SLC1A4: variants seen among roughly 807,000 people sequenced by gnomAD.
SLC1A4 encodes the protein solute carrier family 1 member 4.
In SLC1A4, 19 loss-of-function variants were observed where a neutral mutation model predicts 37.7. That is an observed-to-expected ratio of 0.50 (90% CI 0.35 to 0.74). The LOEUF (loss-of-function observed/expected upper bound fraction) is 0.74, where lower values mean the gene tolerates loss of function less well. SLC1A4 is among the 30% of genes least tolerant of loss of function. SLC1A4 has a pLI of 0.01. For missense variants in SLC1A4, 570 were observed against 712.9 expected, an observed-to-expected ratio of 0.80 and a Z score of 2.28; for synonymous variants, 299 against 309.8, an observed-to-expected ratio of 0.97 and a Z score of 0.37.
At chr2:64,999,153 C>G (rs1558516129) in intron 1 of SLC1A4, among the ~76,000 whole-genome samples, 1 of 152,192 alleles carries the variant, frequency 6.6e-6, no homozygotes, top group Non-Finnish European at 1.5e-5. Flanking sequence ...ACTCCGAAAA[C>G]TAGCCAATAT....
At chr2:65,013,734 T>C (rs1674015175) in intron 4 of SLC1A4, among the ~76,000 whole-genome samples, 1 of 152,222 alleles carries the variant, frequency 6.6e-6, no homozygotes, top group South Asian at 2.1e-4. Flanking sequence ...TGGGAGGCAT[T>C]GTCAGTATTA....
Position 64,989,542 on chromosome 2 carries a change from C to A in SLC1A4, c.-102C>A. The A allele has an allele frequency of 8.7e-7, 1 of 1,149,116 alleles. No homozygotes were observed. Among genetic ancestry groups the A allele is most frequent in the Non-Finnish European group, 1.1e-6 (1 of 881,388 alleles). 71.2% of individuals were successfully genotyped at this position (1,149,116 alleles called of 1,614,324 possible). A position where few individuals can be genotyped will look rare whatever the true frequency, so the allele number is the denominator to read the frequency against. ...GACCCCCGGGGCGGCTTCCCAGAACCTGCGGAGCACAACTGGCCGACCGAC... is the reference window on the plus strand; with the variant it reads ...GACCCCCGGGGCGGCTTCCCAGAACATGCGGAGCACAACTGGCCGACCGAC... On this transcript the variant is annotated 5_prime_UTR_variant, in exon 1 of 8. The change creates a new upstream start codon in the 5' untranslated region. Transcript: ENST00000234256.
chr2:65,014,704 A>C (rs1674057347), intron 4 of SLC1A4, among the ~76,000 whole-genome samples: 1 of 152,270 alleles, frequency 6.6e-6, no homozygotes, highest in Non-Finnish European at 1.5e-5. Context: ...GTATCTACTG[A>C]AATTTAAAAT....
intron 1 of SLC1A4, among the ~76,000 whole-genome samples, chr2:64,997,192 C>T (rs1230529337): frequency 6.6e-6 from 1 of 152,024 alleles, no homozygotes; most frequent in Non-Finnish European, 1.5e-5. Context: ...AGAGCCCTTC[C>T]CAGAGATTGT....
At chr2:65,003,172 C>A (rs1173492546) in intron 2 of SLC1A4, among the ~76,000 whole-genome samples, 1 of 152,120 alleles carries the variant, frequency 6.6e-6, no homozygotes, top group Non-Finnish European at 1.5e-5. Context: ...AAACCAGAGC[C>A]CAGCAAGGGC....
intron 4 of SLC1A4, among the ~76,000 whole-genome samples, chr2:65,015,387 AT>A (rs1674081608): frequency 2.0e-5 from 3 of 152,224 alleles, no homozygotes; most frequent in African/African-American, 7.2e-5. Context: ...ATATGAAAAG[AT>A]TTCAAAGATG....
Position 65,017,584 on chromosome 2 carries a change from C to T in SLC1A4, c.1035-487C>T, listed in dbSNP as rs553520986. ...TGCACCAACTAACCTCTGCAGAGCCCGCAGAGCCAGCTAGAGGGAGCAGGT... is the reference window on the plus strand; with the variant it reads ...TGCACCAACTAACCTCTGCAGAGCCTGCAGAGCCAGCTAGAGGGAGCAGGT... On this transcript the variant is annotated intron_variant, in intron 5 of 7. Transcript: ENST00000234256. Among the ~76,000 whole-genome samples the T allele has an allele frequency of 2.5e-4, 38 of 152,130 alleles. 1 individual carries two copies. The highest frequency in any genetic ancestry group is 3.4e-3 in the Middle Eastern group (1 of 292).
rs1193128755 is a variant in SLC1A4, at chr2:64,991,894, C to T, written c.527+1724C>T. 2.6e-5 allele frequency among the ~76,000 whole-genome samples: 4 copies of T among 152,182 alleles called. No homozygotes were observed. In the East Asian group the frequency reaches 5.8e-4, roughly 22 times the overall value. On this transcript the variant is annotated intron_variant, in intron 1 of 7. Coordinates refer to ENST00000234256, the MANE Select transcript of SLC1A4 (RefSeq NM_003038.5). The stretch of plus-strand genomic sequence containing the variant: ...GGGATTACAGGTGTGAGCCACCCTG[C>T]CTGGCCCCAGCTAACTGTTTTAAAT...
Position 65,020,997 on chromosome 2 carries a change from A to G in SLC1A4, c.1450A>G (p.Lys484Glu), listed in dbSNP as rs80013206. 1,124 of 1,614,234 alleles carry G rather than the reference A, an allele frequency of 7.0e-4. 8 individuals carry two copies. In the African/African-American group the frequency reaches 0.014, roughly 19 times the overall value. ...LHHLNQKATK[K>E]GEQELAEVKV... ...CCACCTGAATCAGAAGGCAACAAAG[A>G]AAGGCGAGCAGGAACTTGCTGAGGT... is the stretch of plus-strand genomic sequence containing the variant. The change falls in exon 8 of 8, where the codon AAA (lysine) becomes GAA (glutamate). Residue 484 changes from lysine to glutamate, a missense_variant. Coordinates refer to ENST00000234256, the MANE Select transcript of SLC1A4 (RefSeq NM_003038.5).
In SLC1A4 at chr2:64,989,426, G is replaced by A; in HGVS notation, c.-218G>A. On this transcript the variant is annotated 5_prime_UTR_variant, in exon 1 of 8. Transcript: ENST00000234256. ...CTCCAGCCGGCGGCTGCTCCAGGGA[G>A]GCTGGGCGCGATCCTCTCCGCCCGC... is the stretch of plus-strand genomic sequence containing the variant. 2.5e-6 allele frequency: 1 copy of A among 401,598 alleles called. No homozygotes were observed. Among genetic ancestry groups the A allele is most frequent in the Non-Finnish European group, 4.3e-6 (1 of 230,352 alleles). The allele number at this position is 401,598 out of a possible 1,614,324, so 24.9% of individuals were successfully genotyped here. A position where few individuals can be genotyped will look rare whatever the true frequency, so the allele number is the denominator to read the frequency against.
At chr2:65,012,851 C>A (rs1292007447) in intron 4 of SLC1A4, among the ~76,000 whole-genome samples, 1 of 151,746 alleles carries the variant, frequency 6.6e-6, no homozygotes, top group African/African-American at 2.4e-5. Flanking sequence ...CCAGCCTGGG[C>A]AAAAAAGTGA....
In SLC1A4 at chr2:65,018,330, C is replaced by A; in HGVS notation, c.1229+65C>A. 1.3e-6 allele frequency: 2 copies of A among 1,524,766 alleles called. No homozygotes were observed. The highest frequency in any genetic ancestry group is 2.3e-5 in the South Asian group (2 of 85,332). 94.5% of individuals were successfully genotyped at this position (1,524,766 alleles called of 1,614,324 possible). ...TTTTCTTGTGATTTCCTTTGAAAAA[C>A]CAATCTCACCACAACTTGGTGTCTC... On this transcript the variant is annotated intron_variant, in intron 6 of 7. Coordinates refer to ENST00000234256, the MANE Select transcript of SLC1A4 (RefSeq NM_003038.5). This position sits in a 1 kb window ranked among gnomAD's most constrained non-coding sequence, Gnocchi z 4.3.
chr2:65,003,879 C>A, intron 2 of SLC1A4, 74 bp from the exon 3 acceptor site: 1 of 1,065,346 alleles, frequency 9.4e-7, no homozygotes, highest in Non-Finnish European at 1.5e-6. Flanking sequence ...AAGAGTGCAG[C>A]AGTGCCCTTG....
chr2:65,020,875 C>A (rs1263529961), intron 7 of SLC1A4, 37 bp from the exon 8 acceptor site: 2 of 1,558,856 alleles, frequency 1.3e-6, no homozygotes, highest in African/African-American at 2.7e-5. Flanking sequence ...GATCGCCCAG[C>A]AGTAGATATA....
At position 65,022,214 on chromosome 2, in the gene SLC1A4, C is replaced by G. The variant is rs560636693; in HGVS notation, c.*1068C>G. 2 of 152,402 alleles carry G rather than the reference C, an allele frequency of 1.3e-5. No homozygotes were observed. Among genetic ancestry groups the G allele is most frequent in the South Asian group, 4.1e-4 (2 of 4,830 alleles). 9.4% of individuals were successfully genotyped at this position (152,402 alleles called of 1,614,324 possible). ...CCCCATTCACAGGTTCCCAGGTCCC[C>G]TGGCTTTGGCTGATTTCAAAATATA... On this transcript the variant is annotated 3_prime_UTR_variant, in exon 8 of 8. Transcript: ENST00000234256.
At chr2:65,000,305 A>C (rs750095373) in intron 1 of SLC1A4, 3 of 152,208 alleles carry the variant, frequency 2.0e-5, no homozygotes, top group Non-Finnish European at 4.4e-5. Context: ...TACTTTTATA[A>C]CAAATGTTTA....
At chr2:64,998,419 CAA>C (rs781241996) in intron 1 of SLC1A4, among the ~76,000 whole-genome samples, 54 of 85,884 alleles carry the variant, frequency 6.3e-4, no homozygotes, top group Admixed American at 6.1e-4. Context: ...ACTCTGTCTC[CAA>C]AAAAAAAAAA....
intron 4 of SLC1A4, among the ~76,000 whole-genome samples, chr2:65,013,521 C>T (rs1434146693): frequency 1.3e-5 from 2 of 152,200 alleles, no homozygotes; most frequent in Admixed American, 6.5e-5. Flanking sequence ...AGCGCCCGGC[C>T]GGACATTTGC....
chr2:65,008,938 GA>G (rs1208061395), intron 3 of SLC1A4, among the ~76,000 whole-genome samples: 1 of 152,192 alleles, frequency 6.6e-6, no homozygotes, highest in African/African-American at 2.4e-5. Context: ...CCACAACTAG[GA>G]AGTAGTGAAA....
Sources: gnomAD v4.1 joint callset for allele counts (sites outside exome capture counted in the v4.1 genomes callset) on GRCh38, gnomAD v4.1.1 for gene constraint, Gnocchi (gnomAD v3.1) non-coding constraint, MANE v1.5 for transcripts, NCBI Gene and HGNC (gene_info 2026-07-23, HGNC 2026-07-21) for gene names.